The following GLIS3 variants were observed in gnomAD, a reference collection of about 807,000 sequenced individuals.
The protein encoded by GLIS3 is zinc finger protein GLIS3.
Under a neutral mutation model 78.6 loss-of-function variants are expected in GLIS3, and 53 were observed. The ratio of observed to expected loss-of-function variants is 0.67; its 90% confidence interval spans 0.54 to 0.85. The LOEUF is 0.85. Among genes scored for constraint, GLIS3 ranks in the 40% least tolerant of loss-of-function variants. The pLI is 0.00. For missense variants in GLIS3, 1,703 were observed against 1,231.1 expected, an observed-to-expected ratio of 1.38 and a Z score of -5.74; for synonymous variants, 684 against 509.9, an observed-to-expected ratio of 1.34 and a Z score of -4.60.
intron 4 of GLIS3, among the ~76,000 whole-genome samples, chr9:4,057,448 G>GT (rs1479313942): frequency 2.6e-5 from 4 of 151,878 alleles, no homozygotes; most frequent in African/African-American, 9.7e-5. Context: ...ACAAAAACAG[G>GT]TAACAATGCA....
intron 2 of GLIS3, among the ~76,000 whole-genome samples, chr9:4,260,384 G>C (rs780328876): frequency 9.2e-5 from 14 of 152,076 alleles, no homozygotes; most frequent in Non-Finnish European, 1.0e-4. Context: ...GGCCAACATG[G>C]TGAAACCCCA....
the GLIS3 span, among the ~76,000 whole-genome samples, chr9:4,412,720 A>C: frequency 2.0e-5 from 3 of 152,158 alleles, no homozygotes; most frequent in Non-Finnish European, 4.4e-5. Context: ...ACTAGTCTAC[A>C]TTTCCCAGAC....
At chr9:4,286,633 C>G in intron 1 of GLIS3, 110 bp from the exon 2 acceptor site, 1 of 631,332 alleles carries the variant, frequency 1.6e-6, no homozygotes, top group Non-Finnish European at 2.8e-6. Context: ...GCACTCTTAG[C>G]AAGATGGCCT....
chr9:4,290,601 A>G (rs557063605), intron 1 of GLIS3, among the ~76,000 whole-genome samples: 22 of 152,240 alleles, frequency 1.4e-4, no homozygotes, highest in African/African-American at 5.3e-4. Flanking sequence ...ACATTTCGCA[A>G]TTCAATCAAG....
At chr9:4,389,968 G>A in the GLIS3 span, among the ~76,000 whole-genome samples, 2 of 152,208 alleles carry the variant, frequency 1.3e-5, no homozygotes, top group Non-Finnish European at 2.9e-5. Flanking sequence ...CTAAGACAGT[G>A]GAGAAGGGAA....
chr9:4,011,775 T>A (rs1822031291), intron 4 of GLIS3, among the ~76,000 whole-genome samples: 1 of 152,204 alleles, frequency 6.6e-6, no homozygotes, highest in African/African-American at 2.4e-5. Context: ...TTCATTTTCA[T>A]TTGATTCTAC....
the GLIS3 span, among the ~76,000 whole-genome samples, chr9:4,485,034 G>T: frequency 7.0e-6 from 1 of 143,880 alleles, no homozygotes; most frequent in Non-Finnish European, 1.5e-5. Flanking sequence ...GTGGTGGGGG[G>T]ACAGGGTTTC....
chr9:4,181,206 C>A (rs1233296744), intron 2 of GLIS3, among the ~76,000 whole-genome samples: 1 of 152,194 alleles, frequency 6.6e-6, no homozygotes, highest in Non-Finnish European at 1.5e-5. Flanking sequence ...CTTTAAAGTT[C>A]CATAGGTATT....
the GLIS3 span, among the ~76,000 whole-genome samples, chr9:4,458,299 G>T: frequency 6.6e-6 from 1 of 152,182 alleles, no homozygotes; most frequent in African/African-American, 2.4e-5. Flanking sequence ...CTAGGCACTG[G>T]GGACACAGTA....
the GLIS3 span, among the ~76,000 whole-genome samples, chr9:4,478,545 A>G: frequency 3.3e-3 from 508 of 151,930 alleles, 2 homozygotes; most frequent in Middle Eastern, 0.01. Context: ...CAGGAGGTGG[A>G]GGCTGCAGTG....
rs541696962 is a variant in GLIS3 at position 4,257,298 on chromosome 9, C to T, written c.388+28740G>A. Among the ~76,000 whole-genome samples, 6 of 151,972 alleles carry T rather than the reference C, an allele frequency of 3.9e-5. No individual in the cohort carries two copies. In the South Asian group the frequency reaches 1.0e-3, roughly 26 times the overall value. Reference sequence around the variant, plus strand: ...ATCTAAAATTTTTAAAAATTGAATACAGTACATAGAAGCAGAGAGTAGATG... The same window carrying T: ...ATCTAAAATTTTTAAAAATTGAATATAGTACATAGAAGCAGAGAGTAGATG... On this transcript the variant is annotated intron_variant, in intron 2 of 10. Coordinates refer to ENST00000381971, the MANE Select transcript of GLIS3 (RefSeq NM_001042413.2).
At chr9:3,976,640 C>A (rs1274673964) in intron 4 of GLIS3, among the ~76,000 whole-genome samples, 2 of 151,014 alleles carry the variant, frequency 1.3e-5, no homozygotes, top group East Asian at 2.0e-4. Flanking sequence ...CTCAATCAGG[C>A]CCAAGAGTAA....
At chr9:4,018,751 A>G (rs996205940) in intron 4 of GLIS3, among the ~76,000 whole-genome samples, 3 of 152,200 alleles carry the variant, frequency 2.0e-5, no homozygotes, top group African/African-American at 7.2e-5. Context: ...TTGGAAAAAG[A>G]AAGTTTCCCC....
At chr9:3,846,808 C>G (rs1179819827) in intron 9 of GLIS3, among the ~76,000 whole-genome samples, 1 of 152,130 alleles carries the variant, frequency 6.6e-6, no homozygotes, top group Non-Finnish European at 1.5e-5. Context: ...TTAAGTTTAC[C>G]TCAATGTGTA....
At chr9:3,845,214 G>C (rs1022811589) in intron 9 of GLIS3, among the ~76,000 whole-genome samples, 3 of 152,160 alleles carry the variant, frequency 2.0e-5, no homozygotes, top group African/African-American at 7.2e-5. Flanking sequence ...CTATTCTTAT[G>C]AGAGCTGTAC....
chr9:3,914,461 C>G (rs538173813), intron 6 of GLIS3, among the ~76,000 whole-genome samples: 8 of 152,060 alleles, frequency 5.3e-5, no homozygotes, highest in Non-Finnish European at 8.8e-5. Context: ...GCCTCTGCGC[C>G]CAGCCAAAGT....
chr9:3,859,407 A>G (rs1820022586), intron 8 of GLIS3, among the ~76,000 whole-genome samples: 1 of 149,024 alleles, frequency 6.7e-6, no homozygotes, highest in Non-Finnish European at 1.5e-5. Flanking sequence ...ACACATCAAA[A>G]TGAATATGTT....
chr9:4,056,160 C>G (rs182953773), intron 4 of GLIS3, among the ~76,000 whole-genome samples: 1 of 152,270 alleles, frequency 6.6e-6, no homozygotes, highest in Non-Finnish European at 1.5e-5. Flanking sequence ...AGAATGGCAC[C>G]AAATGGGGTT....
intron 4 of GLIS3, among the ~76,000 whole-genome samples, chr9:4,067,114 A>G (rs1827168024): frequency 1.3e-5 from 2 of 151,998 alleles, no homozygotes; most frequent in Admixed American, 1.3e-4. Context: ...CTGGAGAAAA[A>G]TCTGCTCCCT....
Sources: gnomAD v4.1 joint callset for allele counts (sites outside exome capture counted in the v4.1 genomes callset) on GRCh38, gnomAD v4.1.1 for gene constraint, MANE v1.5 for transcripts, NCBI Gene and HGNC (gene_info 2026-07-23, HGNC 2026-07-21) for gene names.